Variants in ALK observed in about 807,000 individuals in gnomAD.
ALK encodes ALK receptor tyrosine kinase.
ALK carries 74 observed loss-of-function variants against 163.1 expected under a neutral mutation model. That is an observed-to-expected ratio of 0.45 (90% CI 0.38 to 0.55). The LOEUF (loss-of-function observed/expected upper bound fraction) is 0.55, where lower values mean the gene tolerates loss of function less well. Among genes scored for constraint, ALK ranks in the 20% least tolerant of loss-of-function variants. The pLI is 0.00. For missense variants in ALK, 2,063 were observed against 2,105.3 expected (o/e 0.98, Z 0.39); for synonymous variants, 960 against 843.2 (o/e 1.14, Z -2.40).
At chr2:29,669,845 T>A (rs1336727926) in intron 3 of ALK, among the ~76,000 whole-genome samples, 2 of 147,860 alleles carry the variant, frequency 1.4e-5, no homozygotes, top group Non-Finnish European at 3.0e-5. Context: ...TTATCTTAGA[T>A]CACAAATAGA....
chr2:29,343,210 T>C (rs989175611), intron 5 of ALK, among the ~76,000 whole-genome samples: 1 of 110,404 alleles, frequency 9.1e-6, no homozygotes, highest in Non-Finnish European at 1.7e-5. Flanking sequence ...AATTTAAAAA[T>C]TTTTTTTTTT....
At chr2:29,616,309 T>A (rs1233239985) in intron 3 of ALK, among the ~76,000 whole-genome samples, 1 of 152,128 alleles carries the variant, frequency 6.6e-6, no homozygotes, top group Non-Finnish European at 1.5e-5. Flanking sequence ...GGGGAGGGAT[T>A]ATCAGCAGTG....
At chr2:29,310,018 C>T (rs959411709) in intron 8 of ALK, among the ~76,000 whole-genome samples, 3 of 152,182 alleles carry the variant, frequency 2.0e-5, no homozygotes, top group African/African-American at 7.2e-5. Flanking sequence ...TCACATTTTC[C>T]TCTGATCCTG....
rs188451669 is a variant in ALK, at chr2:29,545,656, C to T, written c.953-13540G>A. 3.7e-3 allele frequency among the ~76,000 whole-genome samples: 557 copies of T among 152,276 alleles called. 1 individual carries two copies. Among genetic ancestry groups the T allele is most frequent in the Middle Eastern group, 0.027 (8 of 294 alleles). ...GCACTTTTACTGTCTCCCTCTGTCT[C>T]GATGTCAAATATTTGGAATTAGCTC... On this transcript the variant is annotated intron_variant, in intron 3 of 28. Coordinates refer to ENST00000389048, the MANE Select transcript of ALK (RefSeq NM_004304.5).
At chr2:29,414,279 C>T (rs1669811718) in intron 4 of ALK, among the ~76,000 whole-genome samples, 1 of 152,172 alleles carries the variant, frequency 6.6e-6, no homozygotes, top group Admixed American at 6.5e-5. Context: ...ATTGGATGAT[C>T]TCTAGGATCT....
chr2:29,434,588 C>T lies in ALK; in HGVS notation c.1155-50729G>A, dbSNP rs112095756. Among the ~76,000 whole-genome samples, 1,072 of 152,298 alleles carry T rather than the reference C, an allele frequency of 7.0e-3. 14 individuals are homozygous for T. Among genetic ancestry groups the T allele is most frequent in the African/African-American group, 0.024 (1,014 of 41,554 alleles). ...CAGTGTTTGGGACTTGTTTCTTTGA[C>T]CTGGCTGTAAGTCAGTCAATAAGTA... On this transcript the variant is annotated intron_variant, in intron 4 of 28. Transcript: ENST00000389048.
In ALK at chr2:29,610,132, T is replaced by C. The variant is rs1675651232; in HGVS notation, c.953-78016A>G. 3.3e-5 allele frequency among the ~76,000 whole-genome samples: 5 copies of C among 152,206 alleles called. 1 individual carries two copies. In the South Asian group the frequency reaches 1.0e-3, roughly 31 times the overall value. On this transcript the variant is annotated intron_variant, in intron 3 of 28. Coordinates refer to ENST00000389048, the MANE Select transcript of ALK (RefSeq NM_004304.5). ...TTAGTCCATTCATGTTGGATATAAG[T>C]ACCAGCATAACTTTGTTGGCTATTA...
chr2:29,346,221 G>T (rs1667944698), intron 5 of ALK, among the ~76,000 whole-genome samples: 1 of 152,088 alleles, frequency 6.6e-6, no homozygotes, highest in Non-Finnish European at 1.5e-5. Flanking sequence ...GCCCTTTCAT[G>T]TCCACTATCT....
chr2:29,255,456 A>G (rs916658623), intron 11 of ALK, among the ~76,000 whole-genome samples: 1 of 152,200 alleles, frequency 6.6e-6, no homozygotes, highest in Non-Finnish European at 1.5e-5. Flanking sequence ...TACTTGAAAC[A>G]TTTAAAAAGC....
intron 6 of ALK, among the ~76,000 whole-genome samples, chr2:29,324,544 T>C (rs1386492803): frequency 6.6e-6 from 1 of 152,240 alleles, no homozygotes; most frequent in Non-Finnish European, 1.5e-5. Flanking sequence ...TTTAAAACAC[T>C]GTTTTTGCCT....
chr2:29,887,518 G>C (rs2148422228), intron 1 of ALK, among the ~76,000 whole-genome samples: 1 of 152,320 alleles, frequency 6.6e-6, no homozygotes, highest in Middle Eastern at 3.4e-3. Flanking sequence ...AGCCTGCCTA[G>C]ATTCAAGGGG....
chr2:29,264,587 C>T (rs1019388232), intron 11 of ALK, among the ~76,000 whole-genome samples: 1 of 152,176 alleles, frequency 6.6e-6, no homozygotes, highest in Non-Finnish European at 1.5e-5. Flanking sequence ...CCTAAAACAG[C>T]ACTAGTCACA....
intron 2 of ALK, among the ~76,000 whole-genome samples, chr2:29,701,788 G>T (rs1330785583): frequency 6.6e-6 from 1 of 152,138 alleles, no homozygotes; most frequent in African/African-American, 2.4e-5. Flanking sequence ...AATTAGGCAG[G>T]ATTCTTATCT....
chr2:29,252,044 C>T (rs750757764), intron 11 of ALK, among the ~76,000 whole-genome samples: 1 of 152,182 alleles, frequency 6.6e-6, no homozygotes, highest in Non-Finnish European at 1.5e-5. Flanking sequence ...AACAGGTCAA[C>T]TTTGTCTTTG....
chr2:29,542,634 C>T (rs886990644), intron 3 of ALK, among the ~76,000 whole-genome samples: 7 of 152,180 alleles, frequency 4.6e-5, no homozygotes, highest in Admixed American at 6.5e-5. Context: ...AGAAGTCTAA[C>T]GCTGGTTTTA....
chr2:29,393,055 G>T (rs1290780875), intron 4 of ALK, among the ~76,000 whole-genome samples: 3 of 152,202 alleles, frequency 2.0e-5, no homozygotes, highest in African/African-American at 4.8e-5. Flanking sequence ...AATGCCCAAG[G>T]TTACTAAGTG....
intron 5 of ALK, among the ~76,000 whole-genome samples, chr2:29,352,826 A>G (rs1220429599): frequency 1.3e-5 from 2 of 152,244 alleles, no homozygotes; most frequent in African/African-American, 4.8e-5. Context: ...CTTTGCAAAA[A>G]TCATAACTGA....
At chr2:29,385,096 A>G (rs1393469388) in intron 4 of ALK, among the ~76,000 whole-genome samples, 1 of 148,286 alleles carries the variant, frequency 6.7e-6, no homozygotes, top group African/African-American at 2.5e-5. Context: ...TTATACATCT[A>G]TGAAATCATC....
At chr2:29,844,790 A>G (rs1558514942) in intron 1 of ALK, among the ~76,000 whole-genome samples, 1 of 152,016 alleles carries the variant, frequency 6.6e-6, no homozygotes, top group African/African-American at 2.4e-5. Flanking sequence ...GTTTAAAAGT[A>G]TGTGTTTGAT....
Sources: gnomAD v4.1 joint callset for allele counts (sites outside exome capture counted in the v4.1 genomes callset) on GRCh38, gnomAD v4.1.1 for gene constraint, MANE v1.5 for transcripts, NCBI Gene and HGNC (gene_info 2026-07-23, HGNC 2026-07-21) for gene names.